Variants in SIX1 observed in about 807,000 individuals in gnomAD.
The protein encoded by SIX1 is SIX homeobox 1.
In SIX1, 11 loss-of-function variants were observed where a neutral mutation model predicts 26.5. The observed-to-expected ratio is 0.41, with a 90% CI of 0.26 to 0.69. The LOEUF (loss-of-function observed/expected upper bound fraction) is 0.69. SIX1 is among the 30% of genes least tolerant of loss of function. SIX1 has a pLI of 0.28. For synonymous variants in SIX1, 177 were observed against 166.2 expected (o/e 1.06, Z -0.50); for missense variants, 333 against 365.9 (o/e 0.91, Z 0.73).
Position 60,648,310 on chromosome 14 carries a change from T to G in SIX1, c.560+320A>C, listed in dbSNP as rs918047082. 1.3e-5 allele frequency among the ~76,000 whole-genome samples: 2 copies of G among 151,978 alleles called. No homozygotes were observed. The highest frequency in any genetic ancestry group is 2.4e-5 in the African/African-American group (1 of 41,390). ...TTTCACTGCCCGTTGATTTAGAAACTCACTCTCCACCCACCACTCATAGCC... is the reference window on the plus strand; with the variant it reads ...TTTCACTGCCCGTTGATTTAGAAACGCACTCTCCACCCACCACTCATAGCC... On this transcript the variant is annotated intron_variant, in intron 1 of 1. Coordinates refer to ENST00000645694, the MANE Select transcript of SIX1 (RefSeq NM_005982.4). The surrounding 1 kb of genome is among the most constrained non-coding windows in gnomAD (Gnocchi z 7.9).
rs1451985437 is a variant in SIX1 at position 60,648,898 on chromosome 14, G to C, written c.292C>G (p.Leu98Val). The C allele has an allele frequency of 6.2e-7, 1 of 1,614,246 alleles. No individual in the cohort carries two copies. The highest frequency in any genetic ancestry group is 1.1e-5 in the South Asian group (1 of 91,088). The change falls in exon 1 of 2, where the codon CTG (leucine) becomes GTG (valine). Residue 98 changes from leucine to valine, a missense_variant. Around this residue, in one of 3 missense-constraint regions of SIX1, gnomAD observed 133 missense variants for 131.8 expected, o/e 1.01. Transcript: ENST00000645694. This position sits in a 1 kb window ranked among gnomAD's most constrained non-coding sequence, Gnocchi z 7.9. ...ACGGCGCCCAGGGGTCGGCCGCGCA[G>C]CTTCTCGGCCTCCACGTAATGCGCC... The part of the protein sequence containing the change: ...LKAHYVEAEK[L>V]RGRPLGAVGK...
rs137994957 is a variant in SIX1, at chr14:60,644,907, G to A, written c.*1376C>T. The A allele has an allele frequency of 3.3e-5, 5 of 152,290 alleles. No homozygotes were observed. The highest frequency in any genetic ancestry group is 2.6e-4 in the Admixed American group (4 of 15,302). 9.4% of individuals were successfully genotyped at this position (152,290 alleles called of 1,614,324 possible). ...CTATTTGTACAAATTAATTCACAAT[G>A]TTTCTATCCTTGTTCTCCTTCCCTT... On this transcript the variant is annotated 3_prime_UTR_variant, in exon 2 of 2. Coordinates refer to ENST00000645694, the MANE Select transcript of SIX1 (RefSeq NM_005982.4).
In SIX1 at chr14:60,647,212, G is replaced by C. The variant is rs796573647; in HGVS notation, c.561-635C>G. 3.3e-4 allele frequency among the ~76,000 whole-genome samples: 50 copies of C among 152,338 alleles called. No individual in the cohort carries two copies. Among genetic ancestry groups the C allele is most frequent in the African/African-American group, 1.2e-3 (48 of 41,588 alleles). ...CGCAGCCAGTCTCTGATTTCATCTG[G>C]AGTCGGCCCTCGGGCCTGGCTTATA... is the stretch of plus-strand genomic sequence containing the variant. On this transcript the variant is annotated intron_variant, in intron 1 of 1. Coordinates refer to ENST00000645694, the MANE Select transcript of SIX1 (RefSeq NM_005982.4). This position sits in a 1 kb window ranked among gnomAD's most constrained non-coding sequence, Gnocchi z 5.1.
chr14:60,646,998 TG>T (rs1407458731), intron 1 of SIX1, among the ~76,000 whole-genome samples: 2 of 152,144 alleles, frequency 1.3e-5, no homozygotes, highest in African/African-American at 2.4e-5. Context: ...GATAAAGAAA[TG>T]ATAGAGGACA....
chr14:60,646,223 C>T lies in SIX1; in HGVS notation c.*60G>A. 2.0e-6 allele frequency: 3 copies of T among 1,521,496 alleles called. No individual in the cohort carries two copies. The highest frequency in any genetic ancestry group is 2.7e-6 in the Non-Finnish European group (3 of 1,109,368). 94.2% of individuals were successfully genotyped at this position (1,521,496 alleles called of 1,614,324 possible). A position where few individuals can be genotyped will look rare whatever the true frequency, so the allele number is the denominator to read the frequency against. ...TTCCTGATTTCTATTTACAAGTGTC[C>T]CTAGTCGCTGCAGTGGTTGCTGCTC... On this transcript the variant is annotated 3_prime_UTR_variant, in exon 2 of 2. Coordinates refer to ENST00000645694, the MANE Select transcript of SIX1 (RefSeq NM_005982.4).
chr14:60,648,955 T>G lies in SIX1; in HGVS notation c.235A>C (p.Asn79His). The part of the protein sequence containing the change: ...ILESHQFSPH[N>H]HPKLQQLWLK... Reference sequence around the variant, plus strand: ...CACAGTTGCTGCAGTTTGGGGTGGTTGTGAGGCGAGAACTGGTGGCTCTCC... The same window carrying G: ...CACAGTTGCTGCAGTTTGGGGTGGTGGTGAGGCGAGAACTGGTGGCTCTCC... The change falls in exon 1 of 2, where the codon AAC becomes CAC. Residue 79 changes from asparagine to histidine, a missense_variant. Asn to His is a moderately conservative substitution (Grantham distance 68). This residue lies in a region of SIX1 where 133 missense variants were observed against 131.8 expected (regional missense o/e 1.01). Coordinates refer to ENST00000645694, the MANE Select transcript of SIX1 (RefSeq NM_005982.4). The surrounding 1 kb of genome is among the most constrained non-coding windows in gnomAD (Gnocchi z 7.9). The G allele has an allele frequency of 6.2e-7, 1 of 1,614,100 alleles. No individual in the cohort carries two copies. Among genetic ancestry groups the G allele is most frequent in the Non-Finnish European group, 8.5e-7 (1 of 1,179,994 alleles).
rs759906473 is a variant in SIX1 at position 60,649,177 on chromosome 14, G to C, written c.13C>G (p.Pro5Ala). ...TGCTCCTGCGTAAAGCCAAACGACGGCAGCATCGACATGGCTGGGGCCTGC... is the reference window on the plus strand; with the variant it reads ...TGCTCCTGCGTAAAGCCAAACGACGCCAGCATCGACATGGCTGGGGCCTGC... MSMLPSFGFTQEQVA... is the reference protein window; with the variant it reads MSMLASFGFTQEQVA... Residue 5 changes from proline (P) to alanine (A), a missense_variant, in exon 1 of 2, where the codon CCG (proline) becomes GCG (alanine). Coordinates refer to ENST00000645694, the MANE Select transcript of SIX1 (RefSeq NM_005982.4). This position sits in a 1 kb window ranked among gnomAD's most constrained non-coding sequence, Gnocchi z 5.1. 3 of 1,608,996 alleles carry C rather than the reference G, an allele frequency of 1.9e-6. No homozygotes were observed. The highest frequency in any genetic ancestry group is 2.5e-6 in the Non-Finnish European group (3 of 1,179,888).
rs1894912520 is a variant in SIX1, at chr14:60,644,806, CTACATGAT to C, written c.*1469_*1476del. The C allele has an allele frequency of 6.6e-6, 1 of 152,168 alleles. No homozygotes were observed. Among genetic ancestry groups the C allele is most frequent in the Non-Finnish European group, 1.5e-5 (1 of 68,026 alleles). The allele number at this position is 152,168 out of a possible 1,614,324, so 9.4% of individuals were successfully genotyped here. A position where few individuals can be genotyped will look rare whatever the true frequency, so the allele number is the denominator to read the frequency against. On this transcript the variant is annotated 3_prime_UTR_variant, in exon 2 of 2. Coordinates refer to ENST00000645694, the MANE Select transcript of SIX1 (RefSeq NM_005982.4). Reference sequence around the variant, plus strand: ...GCCCCAGGCAAAAATAATATGGAGCCTACATGATTACTGGGATTTTTCTAGACACCATC... The same window carrying C: ...GCCCCAGGCAAAAATAATATGGAGCCTACTGGGATTTTTCTAGACACCATC...
chr14:60,646,532 T>C lies in SIX1; in HGVS notation c.606A>G (p.Gln202=). Residue 202 remains glutamine, a synonymous_variant, in exon 2 of 2, where the codon CAA becomes CAG. Coordinates refer to ENST00000645694, the MANE Select transcript of SIX1 (RefSeq NM_005982.4). ...GCTTGCCCCCTTCCAGAGGAGAGAG[T>C]TGGTTCTGCTTGTTGGAGGAGGAGT... is the stretch of plus-strand genomic sequence containing the variant. ...NNNSSSNKQN[Q]LSPLEGGKPL... The C allele has an allele frequency of 3.1e-6, 5 of 1,605,822 alleles. No homozygotes were observed. Among genetic ancestry groups the C allele is most frequent in the Non-Finnish European group, 4.2e-6 (5 of 1,178,574 alleles).
At position 60,648,183 on chromosome 14, in the gene SIX1, G is replaced by A. The variant is rs1242632609; in HGVS notation, c.560+447C>T. Among the ~76,000 whole-genome samples, 4 of 152,212 alleles carry A rather than the reference G, an allele frequency of 2.6e-5. No homozygotes were observed. Among genetic ancestry groups the A allele is most frequent in the Admixed American group, 6.5e-5 (1 of 15,288 alleles). On this transcript the variant is annotated intron_variant, in intron 1 of 1. Coordinates refer to ENST00000645694, the MANE Select transcript of SIX1 (RefSeq NM_005982.4). This position sits in a 1 kb window ranked among gnomAD's most constrained non-coding sequence, Gnocchi z 7.9. Reference sequence around the variant, plus strand: ...AGAACCAGGCGGGAGTGGGGGCAGAGCCAATGTCTCAGGCCAGCTTCACCC... The same window carrying A: ...AGAACCAGGCGGGAGTGGGGGCAGAACCAATGTCTCAGGCCAGCTTCACCC...
chr14:60,647,978 G>A lies in SIX1; in HGVS notation c.560+652C>T, dbSNP rs561370124. 1.3e-3 allele frequency among the ~76,000 whole-genome samples: 203 copies of A among 152,360 alleles called. No individual in the cohort carries two copies. Among genetic ancestry groups the A allele is most frequent in the African/African-American group, 4.6e-3 (192 of 41,584 alleles). ...CGGGCTGCAGTGCCGGGCCACGCGC[G>A]AGCGAGCACGGCGAGGATCAACCCT... On this transcript the variant is annotated intron_variant, in intron 1 of 1. Coordinates refer to ENST00000645694, the MANE Select transcript of SIX1 (RefSeq NM_005982.4). This position sits in a 1 kb window ranked among gnomAD's most constrained non-coding sequence, Gnocchi z 5.1.
rs984524797 is a variant in SIX1 at position 60,647,552 on chromosome 14, C to T, written c.561-975G>A. ...GTCTGTCTCCTTTCTTTCCCCTTATCCTCACAGTCTCTGTCTCCCGACAAG... is the reference window on the plus strand; with the variant it reads ...GTCTGTCTCCTTTCTTTCCCCTTATTCTCACAGTCTCTGTCTCCCGACAAG... On this transcript the variant is annotated intron_variant, in intron 1 of 1. Transcript: ENST00000645694. This position sits in a 1 kb window ranked among gnomAD's most constrained non-coding sequence, Gnocchi z 5.1. Among the ~76,000 whole-genome samples the T allele has an allele frequency of 2.6e-5, 4 of 152,210 alleles. No homozygotes were observed. The highest frequency in any genetic ancestry group is 9.7e-5 in the African/African-American group (4 of 41,448).
chr14:60,649,268 G>A lies in SIX1; in HGVS notation c.-79C>T, dbSNP rs529427457. 5.2e-6 allele frequency: 7 copies of A among 1,334,730 alleles called. No individual in the cohort carries two copies. In the African/African-American group the frequency reaches 5.8e-5, roughly 11 times the overall value. 82.7% of individuals were successfully genotyped at this position (1,334,730 alleles called of 1,614,324 possible). A position where few individuals can be genotyped will look rare whatever the true frequency, so the allele number is the denominator to read the frequency against. On this transcript the variant is annotated 5_prime_UTR_variant, in exon 1 of 2. Transcript: ENST00000645694. The surrounding 1 kb of genome is among the most constrained non-coding windows in gnomAD (Gnocchi z 5.1). ...CGAGAGGCAGGGGGCGGCGGCCGCAGGGAGGGGGGCGCGGCTGTTCCTAAC... is the reference window on the plus strand; with the variant it reads ...CGAGAGGCAGGGGGCGGCGGCCGCAAGGAGGGGGGCGCGGCTGTTCCTAAC...
chr14:60,648,562 C>CG lies in SIX1; in HGVS notation c.560+67dup. On this transcript the variant is annotated intron_variant, in intron 1 of 1. Coordinates refer to ENST00000645694, the MANE Select transcript of SIX1 (RefSeq NM_005982.4). This position sits in a 1 kb window ranked among gnomAD's most constrained non-coding sequence, Gnocchi z 7.9. ...ACTTGGTGGCTGGTGCCTGCGGGGG[C>CG]GGGAGGGGGCGGAGGAGAAAGGACG... is the stretch of plus-strand genomic sequence containing the variant. 2.0e-6 allele frequency: 3 copies of CG among 1,470,846 alleles called. No individual in the cohort carries two copies. Among genetic ancestry groups the CG allele is most frequent in the Non-Finnish European group, 2.8e-6 (3 of 1,079,434 alleles). The allele number at this position is 1,470,846 out of a possible 1,614,324, so 91.1% of individuals were successfully genotyped here.
rs1895017321 is a variant in SIX1, at chr14:60,649,286, TTCCTAACC to T, written c.-105_-98del. 9.2e-7 allele frequency: 1 copy of T among 1,086,860 alleles called. No homozygotes were observed. Among genetic ancestry groups the T allele is most frequent in the African/African-American group, 1.6e-5 (1 of 64,258 alleles). 67.3% of individuals were successfully genotyped at this position (1,086,860 alleles called of 1,614,324 possible). A position where few individuals can be genotyped will look rare whatever the true frequency, so the allele number is the denominator to read the frequency against. On this transcript the variant is annotated 5_prime_UTR_variant, in exon 1 of 2. Coordinates refer to ENST00000645694, the MANE Select transcript of SIX1 (RefSeq NM_005982.4). The surrounding 1 kb of genome is among the most constrained non-coding windows in gnomAD (Gnocchi z 5.1). Reference sequence around the variant, plus strand: ...GGCCGCAGGGAGGGGGGCGCGGCTGTTCCTAACCTCCTCCTTAGGCTTTGCAAAGGCGA... The same window carrying T: ...GGCCGCAGGGAGGGGGGCGCGGCTGTTCCTCCTTAGGCTTTGCAAAGGCGA...
In SIX1 at chr14:60,645,176, C is replaced by T. The variant is rs1167340769; in HGVS notation, c.*1107G>A. ...CAAAGTACCCTGCAATTCACAGCCA[C>T]CATTAAGTAAGAAAGAAAAATATAT... On this transcript the variant is annotated 3_prime_UTR_variant, in exon 2 of 2. Transcript: ENST00000645694. This position sits in a 1 kb window ranked among gnomAD's most constrained non-coding sequence, Gnocchi z 4.6. 1 of 151,374 alleles carries T rather than the reference C, an allele frequency of 6.6e-6. No individual in the cohort carries two copies. Among genetic ancestry groups the T allele is most frequent in the Non-Finnish European group, 1.5e-5 (1 of 67,930 alleles). The allele number at this position is 151,374 out of a possible 1,614,324, so 9.4% of individuals were successfully genotyped here. A position where few individuals can be genotyped will look rare whatever the true frequency, so the allele number is the denominator to read the frequency against.
rs1475099815 is a variant in SIX1, at chr14:60,645,069, T to G, written c.*1214A>C. 1 of 152,158 alleles carries G rather than the reference T, an allele frequency of 6.6e-6. No individual in the cohort carries two copies. Among genetic ancestry groups the G allele is most frequent in the Admixed American group, 6.5e-5 (1 of 15,278 alleles). The allele number at this position is 152,158 out of a possible 1,614,324, so 9.4% of individuals were successfully genotyped here. A position where few individuals can be genotyped will look rare whatever the true frequency, so the allele number is the denominator to read the frequency against. The stretch of plus-strand genomic sequence containing the variant: ...AAATTGCATATCTAAATAATAGAAG[T>G]TAATAAATACCCCAAGGCTAAATTC... On this transcript the variant is annotated 3_prime_UTR_variant, in exon 2 of 2. Transcript: ENST00000645694. This position sits in a 1 kb window ranked among gnomAD's most constrained non-coding sequence, Gnocchi z 4.6.
Position 60,648,582 on chromosome 14 carries a change from A to T in SIX1, c.560+48T>A. 1 of 1,551,554 alleles carries T rather than the reference A, an allele frequency of 6.4e-7. No homozygotes were observed. Among genetic ancestry groups the T allele is most frequent in the Non-Finnish European group, 8.7e-7 (1 of 1,143,860 alleles). On this transcript the variant is annotated intron_variant, in intron 1 of 1. Coordinates refer to ENST00000645694, the MANE Select transcript of SIX1 (RefSeq NM_005982.4). This position sits in a 1 kb window ranked among gnomAD's most constrained non-coding sequence, Gnocchi z 7.9. The stretch of plus-strand genomic sequence containing the variant: ...GGGGGCGGGAGGGGGCGGAGGAGAA[A>T]GGACGGCTTCCTAGGGTCGCCCGAG...
chr14:60,646,379 G>A lies in SIX1; in HGVS notation c.759C>T (p.Ala253=). The change falls in exon 2 of 2, where the codon GCC becomes GCT. Residue 253 remains alanine (A), a synonymous_variant. Transcript: ENST00000645694. ...TCTGCAGGCCGTGACTGGGCTGCGAGGCTGTTAAGCCCGGGAGAGAATAGT... is the reference window on the plus strand; with the variant it reads ...TCTGCAGGCCGTGACTGGGCTGCGAAGCTGTTAAGCCCGGGAGAGAATAGT... ...SSNYSLPGLT[A]SQPSHGLQTH... is the part of the protein sequence containing the mutation. 4 of 1,614,058 alleles carry A rather than the reference G, an allele frequency of 2.5e-6. No individual in the cohort carries two copies. The highest frequency in any genetic ancestry group is 3.4e-6 in the Non-Finnish European group (4 of 1,180,030).
Sources: allele counts gnomAD v4.1 joint callset (sites outside exome capture counted in the v4.1 genomes callset), GRCh38; gene constraint gnomAD v4.1.1; regional missense constraint gnomAD v4.1.1; non-coding constraint Gnocchi (gnomAD v3.1); transcripts MANE v1.5; gene names NCBI Gene and HGNC (gene_info 2026-07-23, HGNC 2026-07-21).